The following ABLIM1 variants were observed in gnomAD, a reference collection of about 807,000 sequenced individuals.
ABLIM1 encodes actin-binding LIM protein 1.
ABLIM1 carries 40 observed loss-of-function variants against 107.0 expected under a neutral mutation model. The ratio of observed to expected loss-of-function variants is 0.37; its 90% CI spans 0.29 to 0.49. ABLIM1 has a LOEUF of 0.49. Ranked by LOEUF, ABLIM1 falls within the 20% of genes least tolerant of loss-of-function variation. The pLI, the probability that ABLIM1 is intolerant of heterozygous loss-of-function variation, is 0.97. For synonymous variants in ABLIM1, 357 were observed against 357.3 expected, an observed-to-expected ratio of 1.00 and a Z score of 0.01; for missense variants, 857 against 1,008.5, an observed-to-expected ratio of 0.85 and a Z score of 2.04.
chr10:114,534,079 C>T (rs576290224), intron 6 of ABLIM1, among the ~76,000 whole-genome samples: 2 of 152,172 alleles, frequency 1.3e-5, no homozygotes, highest in Non-Finnish European at 2.9e-5. Flanking sequence ...CATTGAAGAT[C>T]ACCTCTGTCG....
intron 1 of ABLIM1, among the ~76,000 whole-genome samples, chr10:114,650,526 A>G (rs1002381511): frequency 6.6e-6 from 1 of 152,200 alleles, no homozygotes; most frequent in African/African-American, 2.4e-5. Flanking sequence ...TCATGTGAAA[A>G]TAGTTACTTG....
intron 1 of ABLIM1, among the ~76,000 whole-genome samples, chr10:114,651,908 G>A (rs2079265159): frequency 6.6e-6 from 1 of 152,134 alleles, no homozygotes; most frequent in Non-Finnish European, 1.5e-5. Context: ...GGAACAGGAG[G>A]CCACAACACA....
chr10:114,697,407 C>T (rs34084269), intron 1 of ABLIM1, among the ~76,000 whole-genome samples: 10 of 152,342 alleles, frequency 6.6e-5, no homozygotes, highest in East Asian at 1.9e-4. Flanking sequence ...GGAGCTGGCA[C>T]GCGGTTTTCG....
intron 1 of ABLIM1, among the ~76,000 whole-genome samples, chr10:114,609,307 A>G (rs909063000): frequency 5.9e-5 from 9 of 152,030 alleles, no homozygotes; most frequent in African/African-American, 2.2e-4. Flanking sequence ...CAGTGCCTTC[A>G]CTCCCACTGT....
chr10:114,657,982 A>G lies in ABLIM1; in HGVS notation c.219T>C (p.Arg73=). 4 of 1,613,866 alleles carry G rather than the reference A, an allele frequency of 2.5e-6. No individual in the cohort carries two copies. Among genetic ancestry groups the G allele is most frequent in the Non-Finnish European group, 3.4e-6 (4 of 1,179,794 alleles). ...CAAAAGGATCAACGCTGTTACATAC[A>G]CGCCCACGTGGGCAGTAGTCCTTGG... ...LCPKDYCPRG[R]VCNSVDPFVA... The change falls in exon 1 of 23, where the codon CGT becomes CGC. Residue 73 remains arginine (R), a synonymous_variant. Transcript: ENST00000533213.
intron 1 of ABLIM1, among the ~76,000 whole-genome samples, chr10:114,711,221 A>T (rs1286514498): frequency 2.6e-5 from 4 of 152,148 alleles, no homozygotes; most frequent in African/African-American, 4.8e-5. Context: ...TCCCATTAGA[A>T]ATTGTGTTTC....
At chr10:114,669,598 C>A (rs975792554) in intron 1 of ABLIM1, among the ~76,000 whole-genome samples, 1 of 152,214 alleles carries the variant, frequency 6.6e-6, no homozygotes, top group Non-Finnish European at 1.5e-5. Context: ...TTGAGCATTT[C>A]TTTGTGCACA....
chr10:114,439,283 T>C, intron 20 of ABLIM1, 33 bp from the exon 21 acceptor site: 2 of 1,612,930 alleles, frequency 1.2e-6, no homozygotes, highest in Non-Finnish European at 8.5e-7. Flanking sequence ...AGGTGAGGCA[T>C]GAAATAGTCT....
chr10:114,674,279 G>C (rs1374789479), intron 1 of ABLIM1, among the ~76,000 whole-genome samples: 2 of 133,934 alleles, frequency 1.5e-5, no homozygotes, highest in African/African-American at 3.0e-5. Context: ...CACAGAGCGA[G>C]ACTCTGTCAC....
intron 6 of ABLIM1, among the ~76,000 whole-genome samples, chr10:114,536,188 A>G (rs2065976393): frequency 1.4e-5 from 2 of 141,178 alleles, no homozygotes; most frequent in South Asian, 4.5e-4. Flanking sequence ...GTATTGGACA[A>G]TTATGGTCTT....
Position 114,580,717 on chromosome 10 carries a change from G to T in ABLIM1, c.380-5118C>A, listed in dbSNP as rs532164438. On this transcript the variant is annotated intron_variant, in intron 2 of 22. Coordinates refer to ENST00000533213, the MANE Select transcript of ABLIM1 (RefSeq NM_002313.7). ...ATTATTTTTTTTTAACAAAATTTTGGTCTGTTTGATATTAACAACTTAGCA... is the reference window on the plus strand; with the variant it reads ...ATTATTTTTTTTTAACAAAATTTTGTTCTGTTTGATATTAACAACTTAGCA... Among the ~76,000 whole-genome samples, 50 of 151,894 alleles carry T rather than the reference G, an allele frequency of 3.3e-4. 1 individual carries two copies. Among genetic ancestry groups the T allele is most frequent in the African/African-American group, 1.2e-3 (50 of 41,396 alleles).
upstream of ABLIM1, among the ~76,000 whole-genome samples, chr10:114,686,766 C>G (rs1385859505): frequency 2.0e-5 from 3 of 151,758 alleles, no homozygotes; most frequent in Non-Finnish European, 2.9e-5. Flanking sequence ...GTAGCTGGGA[C>G]TACAGGCATG....
In ABLIM1 at chr10:114,484,528, G is replaced by A. The variant is rs144423406; in HGVS notation, c.1041+3430C>T. On this transcript the variant is annotated intron_variant, in intron 8 of 22. Transcript: ENST00000533213. Reference sequence around the variant, plus strand: ...CTCCTAAGTAGCTGGGATTACAGGCGCCCACAACCATGCCTGGCTAATTTT... The same window carrying A: ...CTCCTAAGTAGCTGGGATTACAGGCACCCACAACCATGCCTGGCTAATTTT... 3.8e-4 allele frequency among the ~76,000 whole-genome samples: 58 copies of A among 152,176 alleles called. No homozygotes were observed. In the East Asian group the frequency reaches 8.5e-3, roughly 22 times the overall value.
Position 114,461,332 on chromosome 10 carries a change from A to G in ABLIM1, c.1441+4366T>C, listed in dbSNP as rs114575953. On this transcript the variant is annotated intron_variant, in intron 12 of 22. Transcript: ENST00000533213. ...TCTGCCCACCTCAGCAGAAATAACCAAAATCTTAATTTGGCTAATGGCTGT... is the reference window on the plus strand; with the variant it reads ...TCTGCCCACCTCAGCAGAAATAACCGAAATCTTAATTTGGCTAATGGCTGT... Among the ~76,000 whole-genome samples, 1,309 of 151,928 alleles carry G rather than the reference A, an allele frequency of 8.6e-3. 13 individuals carry two copies. Among genetic ancestry groups the G allele is most frequent in the African/African-American group, 0.029 (1,215 of 41,432 alleles).
At chr10:114,485,230 G>A in intron 8 of ABLIM1, 1 of 1,297,296 alleles carries the variant, frequency 7.7e-7, no homozygotes, top group Non-Finnish European at 1.0e-6. Flanking sequence ...AGCAGCCCAG[G>A]GGAAAAGCAA....
chr10:114,444,048 G>A lies in ABLIM1; in HGVS notation c.1914C>T (p.Tyr638=), dbSNP rs199591198. 8 of 1,607,058 alleles carry A rather than the reference G, an allele frequency of 5.0e-6. No individual in the cohort carries two copies. In the East Asian group the frequency reaches 6.7e-5, roughly 13 times the overall value. ...GCTTACCTGAGTTGATGGGAGAATC[G>A]TAGCGACTGGCTAACAGAGATGACC... ...RERSSLLASR[Y]DSPINSASHI... The change falls in exon 17 of 23, where the codon TAC becomes TAT. Residue 638 remains tyrosine (Y), a synonymous_variant. Transcript: ENST00000533213.
intron 1 of ABLIM1, among the ~76,000 whole-genome samples, chr10:114,699,161 T>TA (rs1412694023): frequency 2.0e-5 from 3 of 147,408 alleles, no homozygotes; most frequent in South Asian, 2.1e-4. Context: ...AAAATCTGTA[T>TA]AAAAAACCAT....
At chr10:114,697,035 G>A (rs954584661) in intron 1 of ABLIM1, among the ~76,000 whole-genome samples, 2 of 152,284 alleles carry the variant, frequency 1.3e-5, no homozygotes, top group African/African-American at 4.8e-5. Flanking sequence ...ATAAGAACTA[G>A]AATTCACAGT....
At chr10:114,608,037 AT>A (rs1175601004) in intron 1 of ABLIM1, among the ~76,000 whole-genome samples, 2 of 152,232 alleles carry the variant, frequency 1.3e-5, no homozygotes, top group Non-Finnish European at 2.9e-5. Flanking sequence ...TATCTTCTCA[AT>A]TTTTTTTATT....
Sources: gnomAD v4.1 joint callset for allele counts (sites outside exome capture counted in the v4.1 genomes callset) on GRCh38, gnomAD v4.1.1 for gene constraint, MANE v1.5 for transcripts, NCBI Gene and HGNC (gene_info 2026-07-23, HGNC 2026-07-21) for gene names.